ADAMTS19: variants seen among roughly 807,000 people sequenced by gnomAD.
ADAMTS19 encodes A disintegrin and metalloproteinase with thrombospondin motifs 19.
ADAMTS19 carries 93 observed loss-of-function variants against 153.3 expected under a neutral mutation model. The ratio of observed to expected loss-of-function variants is 0.61; its 90% CI spans 0.51 to 0.72. The LOEUF (loss-of-function observed/expected upper bound fraction) is 0.72, where lower values mean the gene tolerates loss of function less well. ADAMTS19 is among the 30% of genes least tolerant of loss of function. The probability of loss-of-function intolerance (pLI) is 0.00; values close to 1 mark genes in which losing one functional copy is unlikely to be tolerated. For synonymous variants in ADAMTS19, 600 were observed against 556.6 expected, an observed-to-expected ratio of 1.08 and a Z score of -1.10; for missense variants, 1,482 against 1,552.1, an observed-to-expected ratio of 0.95 and a Z score of 0.76.
At chr5:129,726,622 A>G (rs552983759) in intron 21 of ADAMTS19, among the ~76,000 whole-genome samples, 11 of 152,190 alleles carry the variant, frequency 7.2e-5, no homozygotes, top group East Asian at 1.9e-4. Flanking sequence ...CCCCCTTGTT[A>G]TTAAACATTT....
intron 7 of ADAMTS19, among the ~76,000 whole-genome samples, chr5:129,596,047 T>C (rs1750359906): frequency 6.6e-6 from 1 of 152,026 alleles, no homozygotes; most frequent in Non-Finnish European, 1.5e-5. Context: ...ATATGATAGA[T>C]AGCTCTATGC....
At chr5:129,662,732 C>A (rs1395049052) in intron 15 of ADAMTS19, among the ~76,000 whole-genome samples, 1 of 152,046 alleles carries the variant, frequency 6.6e-6, no homozygotes, top group East Asian at 1.9e-4. Flanking sequence ...TTGGGACACT[C>A]AGAACTGACT....
intron 7 of ADAMTS19, among the ~76,000 whole-genome samples, chr5:129,590,245 T>A (rs1157227745): frequency 1.3e-5 from 2 of 152,198 alleles, no homozygotes; most frequent in African/African-American, 2.4e-5. Context: ...ATTCATGATT[T>A]TATCTCTCCA....
intron 8 of ADAMTS19, among the ~76,000 whole-genome samples, chr5:129,597,532 C>T (rs890864493): frequency 5.3e-5 from 8 of 152,070 alleles, no homozygotes; most frequent in South Asian, 2.1e-4. Flanking sequence ...GTCAGTGAAT[C>T]GGGATAATAC....
intron 15 of ADAMTS19, among the ~76,000 whole-genome samples, chr5:129,665,258 TG>T (rs76942465): frequency 0.072 from 10,895 of 151,238 alleles, 469 homozygotes; most frequent in South Asian, 0.092. Flanking sequence ...GAGATTTTTT[TG>T]TTTGTTTTAC....
chr5:129,553,250 C>T (rs894800222), intron 7 of ADAMTS19, among the ~76,000 whole-genome samples: 12 of 152,032 alleles, frequency 7.9e-5, no homozygotes, highest in Non-Finnish European at 1.2e-4. Flanking sequence ...GCAACTCAGG[C>T]GCCATCTTCC....
At chr5:129,536,263 A>G (rs1460083957) in intron 6 of ADAMTS19, among the ~76,000 whole-genome samples, 2 of 152,216 alleles carry the variant, frequency 1.3e-5, no homozygotes, top group African/African-American at 2.4e-5. Flanking sequence ...ATATGAACAG[A>G]CACTTCTCAA....
At chr5:129,682,678 G>T (rs1392346984) in intron 17 of ADAMTS19, among the ~76,000 whole-genome samples, 1 of 152,000 alleles carries the variant, frequency 6.6e-6, no homozygotes, top group Non-Finnish European at 1.5e-5. Flanking sequence ...AACTCATTAG[G>T]CTGAAAGTCA....
At chr5:129,604,541 A>C (rs1044806349) in intron 8 of ADAMTS19, among the ~76,000 whole-genome samples, 1 of 152,194 alleles carries the variant, frequency 6.6e-6, no homozygotes. Flanking sequence ...TTATAATGGG[A>C]TTCTTAATGC....
At chr5:129,611,351 G>A (rs1052654156) in intron 8 of ADAMTS19, among the ~76,000 whole-genome samples, 7 of 152,154 alleles carry the variant, frequency 4.6e-5, no homozygotes, top group Admixed American at 1.3e-4. Flanking sequence ...TTTTAGACAC[G>A]AAGTCCTTGC....
intron 2 of ADAMTS19, among the ~76,000 whole-genome samples, chr5:129,469,233 A>G (rs1749981717): frequency 6.6e-6 from 1 of 152,184 alleles, no homozygotes; most frequent in East Asian, 1.9e-4. Flanking sequence ...TAATTTTACC[A>G]TCCAGAGATA....
intron 18 of ADAMTS19, among the ~76,000 whole-genome samples, chr5:129,686,294 T>G (rs2127132428): frequency 6.6e-6 from 1 of 152,116 alleles, no homozygotes; most frequent in Non-Finnish European, 1.5e-5. Context: ...TCATGGAATT[T>G]AGGTGCAATA....
At chr5:129,709,533 A>T (rs1561662673) in intron 21 of ADAMTS19, among the ~76,000 whole-genome samples, 1 of 152,168 alleles carries the variant, frequency 6.6e-6, no homozygotes, top group Non-Finnish European at 1.5e-5. Flanking sequence ...CTAATTGTTT[A>T]AAAAAGTTCA....
intron 21 of ADAMTS19, among the ~76,000 whole-genome samples, chr5:129,717,204 C>T (rs1236777430): frequency 6.6e-6 from 1 of 152,136 alleles, no homozygotes; most frequent in Non-Finnish European, 1.5e-5. Context: ...CTCCTTTACC[C>T]TTCTCAAAAA....
intron 7 of ADAMTS19, among the ~76,000 whole-genome samples, chr5:129,552,925 G>A (rs1753178545): frequency 1.3e-5 from 2 of 151,924 alleles, no homozygotes; most frequent in Admixed American, 1.3e-4. Context: ...GGGAATATTT[G>A]GTTCAGAAGG....
At chr5:129,487,710 T>C (rs913826668) in intron 2 of ADAMTS19, among the ~76,000 whole-genome samples, 1 of 152,124 alleles carries the variant, frequency 6.6e-6, no homozygotes, top group African/African-American at 2.4e-5. Context: ...ACTCAGGGAC[T>C]GAACTCTAAA....
intron 7 of ADAMTS19, among the ~76,000 whole-genome samples, chr5:129,596,028 G>T (rs1268394605): frequency 1.3e-5 from 2 of 151,740 alleles, no homozygotes; most frequent in Non-Finnish European, 2.9e-5. Context: ...AATCTTTCTA[G>T]TATTTTAAAT....
chr5:129,675,026 G>A lies in ADAMTS19; in HGVS notation c.2507-4738G>A, dbSNP rs142267705. ...GATATTTTCACTGGATATAGAATTC[G>A]AGATTTTTTTGTTTGCTTTGTTTTC... On this transcript the variant is annotated intron_variant, in intron 16 of 22. Transcript: ENST00000274487. Among the ~76,000 whole-genome samples the A allele has an allele frequency of 1.4e-4, 21 of 152,148 alleles. No homozygotes were observed. In the East Asian group the frequency reaches 3.7e-3, roughly 27 times the overall value.
At chr5:129,611,168 T>TTGAGTTCG (rs1218903861) in intron 8 of ADAMTS19, among the ~76,000 whole-genome samples, 1 of 152,124 alleles carries the variant, frequency 6.6e-6, no homozygotes, top group East Asian at 1.9e-4. Flanking sequence ...CGTTGAGTTC[T>TTGAGTTCG]TTGTAGATTC....
Sources: allele counts gnomAD v4.1 joint callset (sites outside exome capture counted in the v4.1 genomes callset), GRCh38; gene constraint gnomAD v4.1.1; transcripts MANE v1.5; gene names NCBI Gene and HGNC (gene_info 2026-07-23, HGNC 2026-07-21).